The following PDZD7 variants were observed in gnomAD, a reference collection of about 807,000 sequenced individuals.
PDZD7 encodes the protein PDZ domain containing 7.
Under a neutral mutation model 84.7 loss-of-function variants are expected in PDZD7, and 72 were observed. The observed-to-expected ratio is 0.85, with a 90% CI of 0.70 to 1.03. PDZD7 has a LOEUF of 1.03. PDZD7 is among the 50% of genes least tolerant of loss of function. The pLI is 0.00. For missense variants in PDZD7, 1,490 were observed against 1,412.9 expected (o/e 1.05, Z -0.87); for synonymous variants, 594 against 580.7 (o/e 1.02, Z -0.33).
At position 101,018,972 on chromosome 10, in the gene PDZD7, G is replaced by T; in HGVS notation, c.1174C>A (p.Leu392Ile). The T allele has an allele frequency of 6.3e-7, 1 of 1,591,316 alleles. No individual in the cohort carries two copies. ...TCCGAGCGGATGGCGGTGTCCCTGA[G>T]GATGACTGTGGGCCGCACGCTGCAC... Reference protein sequence around the residue: ...TWCSVRPTVILRDTAIRSDGP... With the variant: ...TWCSVRPTVIIRDTAIRSDGP... Residue 392 changes from leucine (L) to isoleucine (I), a missense_variant, in exon 8 of 17, where the codon CTC (leucine) becomes ATC (isoleucine). Leu to Ile is a conservative substitution (Grantham distance 5). Transcript: ENST00000619208.
Position 101,015,644 on chromosome 10 carries a change from A to G in PDZD7, c.1741T>C (p.Cys581Arg). ...ATGGGATGAAGGCTTACCCGGGAGC[A>G]GTGGCGGGTGACAGCCAGCACCTCG... ...DDEVLAVTRH[C>R]SRYVHEGGIE... is the part of the protein sequence containing the mutation. The change falls in exon 11 of 17, where the codon TGC becomes CGC. Residue 581 changes from cysteine (C) to arginine (R), a missense_variant. Physicochemically the swap from Cys to Arg is radical, Grantham distance 180. Coordinates refer to ENST00000619208, the MANE Select transcript of PDZD7 (RefSeq NM_001195263.2). The G allele has an allele frequency of 6.5e-7, 1 of 1,547,718 alleles. No individual in the cohort carries two copies. The highest frequency in any genetic ancestry group is 8.7e-7 in the Non-Finnish European group (1 of 1,144,768).
chr10:101,020,661 A>G lies in PDZD7; in HGVS notation c.885T>C (p.Pro295=), dbSNP rs1349161209. 6 of 1,613,814 alleles carry G rather than the reference A, an allele frequency of 3.7e-6. No individual in the cohort carries two copies. The highest frequency in any genetic ancestry group is 2.7e-5 in the African/African-American group (2 of 74,888). ...MLTIKETGRY[P]AYKEMVSEYC... ...ACTCAGAAACCATCTCCTTGTAGGC[A>G]GGATACCGGCCGGTCTCCTGGGGAG... The change falls in exon 7 of 17, where the codon CCT becomes CCC. Residue 295 remains proline, a synonymous_variant. Transcript: ENST00000619208.
At chr10:101,025,842 C>T (rs770035591) in intron 2 of PDZD7, among the ~76,000 whole-genome samples, 4 of 152,134 alleles carry the variant, frequency 2.6e-5, no homozygotes, top group South Asian at 2.1e-4. Context: ...CCACCACACC[C>T]GGCCAATGGA....
intron 2 of PDZD7, among the ~76,000 whole-genome samples, chr10:101,027,358 T>G (rs1696267411): frequency 6.6e-6 from 1 of 151,622 alleles, no homozygotes; most frequent in Non-Finnish European, 1.5e-5. Context: ...GCAGTGCTCC[T>G]GCCCAGGCCT....
intron 2 of PDZD7, among the ~76,000 whole-genome samples, chr10:101,025,157 T>G (rs1179282547): frequency 6.6e-6 from 1 of 152,244 alleles, no homozygotes; most frequent in Non-Finnish European, 1.5e-5. Context: ...GAGGCAGATT[T>G]TGTAAGGAAA....
chr10:101,022,320 G>T lies in PDZD7; in HGVS notation c.608C>A (p.Ser203Ter), dbSNP rs774607594. ...GACGATGCGCCGGACACCATCTTCTGAGCTGGTGTCGGAGGGTGTTGAACC... is the reference window on the plus strand; with the variant it reads ...GACGATGCGCCGGACACCATCTTCTTAGCTGGTGTCGGAGGGTGTTGAACC... ...KCGSTPSDTS[S>*]EDGVRRIVHL... The change falls in exon 5 of 17, where the codon TCA becomes TAA. Residue 203 changes from serine (S) to a stop codon, truncating the protein, a stop_gained. Transcript: ENST00000619208. LOFTEE classifies it high-confidence loss of function. The T allele has an allele frequency of 6.2e-7, 1 of 1,614,228 alleles. No individual in the cohort carries two copies. The highest frequency in any genetic ancestry group is 1.1e-5 in the South Asian group (1 of 91,088).
intron 2 of PDZD7, among the ~76,000 whole-genome samples, chr10:101,025,146 A>G (rs963364014): frequency 6.6e-6 from 1 of 152,212 alleles, no homozygotes; most frequent in African/African-American, 2.4e-5. Flanking sequence ...GGAATTAGAC[A>G]GAGGCAGATT....
In PDZD7 at chr10:101,029,643, C is replaced by T. The variant is rs145217966; in HGVS notation, c.226+351G>A. Among the ~76,000 whole-genome samples, 213 of 152,342 alleles carry T rather than the reference C, an allele frequency of 1.4e-3. 2 individuals carry two copies. Among genetic ancestry groups the T allele is most frequent in the African/African-American group, 5.0e-3 (208 of 41,568 alleles). On this transcript the variant is annotated intron_variant, in intron 2 of 16. Transcript: ENST00000619208. ...TATCCTGCCCCATCCCCCAGAAGTACACACAATGGATCTGGAGAAGGGCAG... is the reference window on the plus strand; with the variant it reads ...TATCCTGCCCCATCCCCCAGAAGTATACACAATGGATCTGGAGAAGGGCAG...
At chr10:101,019,575 TC>T (rs1852950653) in intron 7 of PDZD7, among the ~76,000 whole-genome samples, 2 of 122,068 alleles carry the variant, frequency 1.6e-5, no homozygotes, top group Non-Finnish European at 3.7e-5. Context: ...CTCCTCCTCC[TC>T]CTCCTCCTCC....
intron 9 of PDZD7, chr10:101,017,802 A>T (rs1852715546): frequency 2.1e-6 from 1 of 468,888 alleles, no homozygotes; most frequent in Non-Finnish European, 3.7e-6. Flanking sequence ...AAAAAAAGAA[A>T]GAAAAAGAAA....
At chr10:101,011,208 AT>A in intron 14 of PDZD7, 1 of 524,978 alleles carries the variant, frequency 1.9e-6, no homozygotes, top group Non-Finnish European at 2.9e-6. Flanking sequence ...AGCCCAGGTC[AT>A]TTTTGTATTT....
At chr10:101,015,838 G>A (rs965278959) in intron 10 of PDZD7, 27 bp from the exon 11 acceptor site, 8 of 1,535,242 alleles carry the variant, frequency 5.2e-6, no homozygotes, top group Non-Finnish European at 7.0e-6. Flanking sequence ...ATCAGGGGAG[G>A]GGAGAGGGGC....
chr10:101,012,297 G>T, intron 11 of PDZD7, 39 bp from the exon 12 acceptor site: 1 of 1,487,394 alleles, frequency 6.7e-7, no homozygotes, highest in Middle Eastern at 1.7e-4. Flanking sequence ...AGCAGTGGGG[G>T]CTTCCAGAGC....
intron 4 of PDZD7, chr10:101,023,069 G>GGTTTTTT (rs1853214758): frequency 4.2e-6 from 1 of 239,158 alleles, no homozygotes; most frequent in African/African-American, 3.6e-5. Flanking sequence ...ACCATGCCCG[G>GGTTTTTT]CTTTTTTTTT....
chr10:101,012,864 C>G (rs1852445744), intron 11 of PDZD7, among the ~76,000 whole-genome samples: 1 of 152,246 alleles, frequency 6.6e-6, no homozygotes, highest in African/African-American at 2.4e-5. Context: ...GGAAGGGCCT[C>G]TCCAATCAGT....
In PDZD7 at chr10:101,029,877, G is replaced by T; in HGVS notation, c.226+117C>A. The T allele has an allele frequency of 7.2e-6, 8 of 1,114,778 alleles. No individual in the cohort carries two copies. In the South Asian group the frequency reaches 1.2e-4, roughly 17 times the overall value. The allele number at this position is 1,114,778 out of a possible 1,614,324, so 69.1% of individuals were successfully genotyped here. A position where few individuals can be genotyped will look rare whatever the true frequency, so the allele number is the denominator to read the frequency against. ...CCCAGGCGGCCTGCCACCTCCCTGT[G>T]ACTCCCATCTCTTGAATTCCCCCAA... On this transcript the variant is annotated intron_variant, in intron 2 of 16. Coordinates refer to ENST00000619208, the MANE Select transcript of PDZD7 (RefSeq NM_001195263.2).
Position 101,007,875 on chromosome 10 carries a change from A to ACACCCC in PDZD7, c.*591_*592insGGGGTG, listed in dbSNP as rs1852268046. The stretch of plus-strand genomic sequence containing the variant: ...GATAAAGAGTACAGGAACTTGTTTG[A>ACACCCC]CCCCCCCCCCCCCACCATTTGCTGG... On this transcript the variant is annotated 3_prime_UTR_variant, in exon 17 of 17. Transcript: ENST00000619208. 4.2e-5 allele frequency: 1 copy of ACACCCC among 23,766 alleles called. No homozygotes were observed. The highest frequency in any genetic ancestry group is 2.0e-4 in the African/African-American group (1 of 5,098). The allele number at this position is 23,766 out of a possible 1,614,324, so 1.5% of individuals were successfully genotyped here.
chr10:101,012,267 A>G lies in PDZD7; in HGVS notation c.1750-9T>C, dbSNP rs1037684648. On this transcript the variant is annotated splice_polypyrimidine_tract_variant and intron_variant, in intron 11 of 16. Coordinates refer to ENST00000619208, the MANE Select transcript of PDZD7 (RefSeq NM_001195263.2). ...CCTCCCTCGTGCACATACTGCAGAT[A>G]GAGGCAGCACAGGTCAGACAGCAGT... 6.5e-7 allele frequency: 1 copy of G among 1,548,116 alleles called. No individual in the cohort carries two copies. Among genetic ancestry groups the G allele is most frequent in the Admixed American group, 2.0e-5 (1 of 50,988 alleles).
In PDZD7 at chr10:101,010,557, TAC is replaced by T. The variant is rs766167046; in HGVS notation, c.2330_2331del (p.Arg777GlnfsTer17). ...CGGCTGCTGCGGCTGCGGCTGCGGCTACGGCTGCGGCTACGGCTCTGAGCCCG... is the reference window on the plus strand; with the variant it reads ...CGGCTGCTGCGGCTGCGGCTGCGGCTGGCTGCGGCTACGGCTCTGAGCCCG... ...RGRAQSRSRS[R>X]SRSRSRSSRG... On this transcript the variant is annotated frameshift_variant, in exon 15 of 17. Coordinates refer to ENST00000619208, the MANE Select transcript of PDZD7 (RefSeq NM_001195263.2). LOFTEE classifies it high-confidence loss of function. The T allele has an allele frequency of 8.8e-4, 1,314 of 1,492,708 alleles. 2 individuals carry two copies. Among genetic ancestry groups the T allele is most frequent in the Non-Finnish European group, 1.1e-3 (1,217 of 1,110,552 alleles). 92.5% of individuals were successfully genotyped at this position (1,492,708 alleles called of 1,614,324 possible). A position where few individuals can be genotyped will look rare whatever the true frequency, so the allele number is the denominator to read the frequency against.
Sources: allele counts gnomAD v4.1 joint callset (sites outside exome capture counted in the v4.1 genomes callset), GRCh38; gene constraint gnomAD v4.1.1; transcripts MANE v1.5; gene names NCBI Gene and HGNC (gene_info 2026-07-23, HGNC 2026-07-21).